Variants in PLA2R1 observed in about 807,000 individuals in gnomAD.
PLA2R1 encodes the protein phospholipase A2 receptor 1.
In PLA2R1, 158 loss-of-function variants were observed where a neutral mutation model predicts 195.9. That is an observed-to-expected ratio of 0.81 (90% CI 0.71 to 0.92). PLA2R1 has a LOEUF of 0.92. Ranked by LOEUF, PLA2R1 falls within the 40% of genes least tolerant of loss-of-function variation. The probability of loss-of-function intolerance (pLI) is 0.00; values close to 1 mark genes in which losing one functional copy is unlikely to be tolerated. For missense variants in PLA2R1, 1,626 were observed against 1,764.6 expected (o/e 0.92, Z 1.41); for synonymous variants, 586 against 598.2 (o/e 0.98, Z 0.30).
downstream of PLA2R1, among the ~76,000 whole-genome samples, chr2:159,929,674 C>T (rs1686544902): frequency 6.6e-6 from 1 of 152,100 alleles, no homozygotes; most frequent in Non-Finnish European, 1.5e-5. Flanking sequence ...GAAAAGATGA[C>T]ATTATACCAA....
intron 27 of PLA2R1, chr2:159,946,139 A>G: frequency 1.3e-6 from 1 of 757,708 alleles, no homozygotes; most frequent in Non-Finnish European, 1.6e-6. Context: ...AAATAATTTA[A>G]AACTAACAAT....
chr2:160,053,692 A>C (rs1311578781), intron 1 of PLA2R1, among the ~76,000 whole-genome samples: 2 of 152,224 alleles, frequency 1.3e-5, no homozygotes, highest in African/African-American at 4.8e-5. Flanking sequence ...CAGTCCCCCA[A>C]CTTCAATGCA....
intron 7 of PLA2R1, among the ~76,000 whole-genome samples, chr2:160,021,349 A>G (rs1213860153): frequency 2.0e-5 from 3 of 152,238 alleles, no homozygotes; most frequent in African/African-American, 7.2e-5. Context: ...AGCATTATTC[A>G]CAATAGCAAA....
chr2:160,045,988 T>A (rs2105623976), intron 1 of PLA2R1, among the ~76,000 whole-genome samples: 1 of 152,240 alleles, frequency 6.6e-6, no homozygotes, highest in Middle Eastern at 3.4e-3. Flanking sequence ...GAGTTTCCCG[T>A]GGAAAAGCTG....
At chr2:160,050,792 G>A (rs1695168895) in intron 1 of PLA2R1, among the ~76,000 whole-genome samples, 1 of 152,174 alleles carries the variant, frequency 6.6e-6, no homozygotes, top group Non-Finnish European at 1.5e-5. Context: ...AGCAAAAGGG[G>A]GTGCCATGAG....
intron 17 of PLA2R1, among the ~76,000 whole-genome samples, chr2:159,971,511 C>CA (rs1171323593): frequency 6.6e-6 from 1 of 151,848 alleles, no homozygotes; most frequent in Non-Finnish European, 1.5e-5. Flanking sequence ...CACATTAGGG[C>CA]AGATGTACTG....
At chr2:160,038,547 T>C (rs1488770571) in intron 3 of PLA2R1, among the ~76,000 whole-genome samples, 2 of 152,000 alleles carry the variant, frequency 1.3e-5, no homozygotes, top group African/African-American at 2.4e-5. Context: ...TCCTCGCGCA[T>C]AGAAGGGAGG....
At chr2:160,007,555 G>A (rs935204326) in intron 10 of PLA2R1, among the ~76,000 whole-genome samples, 3 of 152,352 alleles carry the variant, frequency 2.0e-5, no homozygotes, top group Admixed American at 6.5e-5. Context: ...CCGGCAGGCC[G>A]TCGACAGGAA....
In PLA2R1 at chr2:159,941,848, G is replaced by A; in HGVS notation, c.4322C>T (p.Ala1441Val). The A allele has an allele frequency of 6.2e-7, 1 of 1,612,800 alleles. No individual in the cohort carries two copies. Among genetic ancestry groups the A allele is most frequent in the Non-Finnish European group, 8.5e-7 (1 of 1,178,864 alleles). Residue 1441 changes from alanine to valine, a missense_variant, in exon 30 of 30, where the codon GCA becomes GTA. Coordinates refer to ENST00000283243, the MANE Select transcript of PLA2R1 (RefSeq NM_007366.5). The part of the protein sequence containing the change: ...LAGFRNPYYP[A>V]TNFSTVYLEE... ...TAAATATACTGTACTAAAGTTGGTT[G>A]CAGGATAGTAAGGATTCCGAAACCC...
chr2:159,945,889 G>C (rs900092871), intron 27 of PLA2R1: 2 of 890,454 alleles, frequency 2.2e-6, no homozygotes, highest in African/African-American at 3.6e-5. Context: ...TAATGTGACA[G>C]TTTGAATTTT....
intron 20 of PLA2R1, among the ~76,000 whole-genome samples, chr2:159,965,096 T>C (rs1030481819): frequency 3.3e-5 from 5 of 152,172 alleles, no homozygotes; most frequent in Non-Finnish European, 7.4e-5. Flanking sequence ...CATTATCACA[T>C]GCCCCATCAC....
chr2:160,013,160 C>T, intron 10 of PLA2R1, 103 bp downstream of exon 10: 1 of 530,012 alleles, frequency 1.9e-6, no homozygotes, highest in South Asian at 3.0e-5. Flanking sequence ...TGATGTATAG[C>T]ACAATTTAGA....
intron 10 of PLA2R1, among the ~76,000 whole-genome samples, chr2:160,011,154 AT>A (rs894582752): frequency 5.9e-5 from 9 of 152,274 alleles, no homozygotes; most frequent in African/African-American, 2.2e-4. Context: ...AATGAAACAG[AT>A]TTTTTTCCCA....
chr2:159,955,483 T>C, intron 22 of PLA2R1, 137 bp from the exon 23 acceptor site: 1 of 573,028 alleles, frequency 1.7e-6, no homozygotes, highest in South Asian at 3.3e-5. Context: ...TATTCACAAG[T>C]CATTTCATAA....
downstream of PLA2R1, among the ~76,000 whole-genome samples, chr2:159,930,306 G>A (rs984611797): frequency 6.6e-6 from 1 of 152,064 alleles, no homozygotes; most frequent in Non-Finnish European, 1.5e-5. Flanking sequence ...TACTTGGCAG[G>A]CTGAGGCAGG....
At chr2:159,963,744 T>C (rs780738682) in intron 20 of PLA2R1, among the ~76,000 whole-genome samples, 1 of 152,158 alleles carries the variant, frequency 6.6e-6, no homozygotes, top group African/African-American at 2.4e-5. Context: ...GGCAAAGATG[T>C]GGAGAAATTG....
downstream of PLA2R1, among the ~76,000 whole-genome samples, chr2:159,931,520 T>A (rs1362291641): frequency 6.6e-6 from 1 of 152,168 alleles, no homozygotes; most frequent in Non-Finnish European, 1.5e-5. Flanking sequence ...TGAGGAAAGT[T>A]ATACACATTT....
At position 159,941,857 on chromosome 2, in the gene PLA2R1, T is replaced by A; in HGVS notation, c.4313A>T (p.Tyr1438Phe). ...TGTACTAAAGTTGGTTGCAGGATAG[T>A]AAGGATTCCGAAACCCTGCAAGTCT... ...FRRLAGFRNP[Y>F]YPATNFSTVY... Residue 1438 changes from tyrosine to phenylalanine, a missense_variant, in exon 30 of 30, where the codon TAC becomes TTC. By Grantham distance (22) the Tyr-to-Phe change is conservative. Coordinates refer to ENST00000283243, the MANE Select transcript of PLA2R1 (RefSeq NM_007366.5). 7 of 1,613,020 alleles carry A rather than the reference T, an allele frequency of 4.3e-6. No homozygotes were observed. Among genetic ancestry groups the A allele is most frequent in the Non-Finnish European group, 5.9e-6 (7 of 1,179,028 alleles).
At chr2:160,024,151 GCGCTGCACAATGTTGAAAAAAGAAC>G (rs1383881415) in intron 6 of PLA2R1, among the ~76,000 whole-genome samples, 2 of 152,106 alleles carry the variant, frequency 1.3e-5, no homozygotes, top group Non-Finnish European at 2.9e-5. Context: ...TGGGTCTATT[GCGCTGCACAATGTTGAAAAAAGAAC>G]CACTGCTAGA....
Sources: gnomAD v4.1 joint callset for allele counts (sites outside exome capture counted in the v4.1 genomes callset) on GRCh38, gnomAD v4.1.1 for gene constraint, MANE v1.5 for transcripts, NCBI Gene and HGNC (gene_info 2026-07-23, HGNC 2026-07-21) for gene names.